The following USH2A variants were observed in gnomAD, a reference collection of about 807,000 sequenced individuals.
USH2A encodes the protein Usher syndrome 2A (autosomal recessive, mild).
USH2A carries 443 observed loss-of-function variants against 538.9 expected under a neutral mutation model. That is an observed-to-expected ratio of 0.82 (90% confidence interval 0.76 to 0.89). The LOEUF (loss-of-function observed/expected upper bound fraction) is 0.89. Ranked by LOEUF, USH2A falls within the 40% of genes least tolerant of loss-of-function variation. USH2A has a pLI of 0.00. For synonymous variants in USH2A, 2,413 were observed against 2,273.5 expected, an observed-to-expected ratio of 1.06 and a Z score of -1.75; for missense variants, 6,633 against 6,324.8, an observed-to-expected ratio of 1.05 and a Z score of -1.65.
At chr1:216,074,597 C>T (rs1204566576) in intron 27 of USH2A, among the ~76,000 whole-genome samples, 1 of 151,992 alleles carries the variant, frequency 6.6e-6, no homozygotes, top group East Asian at 1.9e-4. Flanking sequence ...TTTTTTTAGT[C>T]CTGACTGATC....
intron 3 of USH2A, among the ~76,000 whole-genome samples, chr1:216,383,730 T>C (rs890726165): frequency 6.6e-6 from 1 of 152,162 alleles, no homozygotes; most frequent in Non-Finnish European, 1.5e-5. Context: ...TAGGCTGGAG[T>C]GCAGTGGCAC....
At chr1:216,291,473 A>C (rs887566300) in intron 10 of USH2A, among the ~76,000 whole-genome samples, 1 of 152,150 alleles carries the variant, frequency 6.6e-6, no homozygotes, top group Non-Finnish European at 1.5e-5. Flanking sequence ...TGTCTTATTC[A>C]TCTTCATGTC....
At chr1:215,956,960 A>G (rs1667082702) in intron 37 of USH2A, among the ~76,000 whole-genome samples, 1 of 152,192 alleles carries the variant, frequency 6.6e-6, no homozygotes, top group African/African-American at 2.4e-5. Context: ...TTGAAATGAC[A>G]GATATCTTAT....
intron 47 of USH2A, among the ~76,000 whole-genome samples, chr1:215,830,306 C>T (rs1408507254): frequency 6.6e-6 from 1 of 152,092 alleles, no homozygotes; most frequent in Non-Finnish European, 1.5e-5. Context: ...GGCCCTGCTC[C>T]GAGGATGATC....
At chr1:215,636,970 T>A (rs1212168801) in intron 69 of USH2A, among the ~76,000 whole-genome samples, 5 of 152,020 alleles carry the variant, frequency 3.3e-5, no homozygotes, top group African/African-American at 9.7e-5. Context: ...TATGAAGACC[T>A]CGAGATCAGG....
chr1:215,797,125 A>G lies in USH2A; in HGVS notation c.9958+1782T>C, dbSNP rs183061072. ...TGGATAGAAGATCAAATCAGTCACA[A>G]TAGTCCCTTAGGCCAAAGCCTAGTC... On this transcript the variant is annotated intron_variant, in intron 50 of 71. Transcript: ENST00000307340. Among the ~76,000 whole-genome samples, 355 of 152,282 alleles carry G rather than the reference A, an allele frequency of 2.3e-3. 2 individuals carry two copies. The highest frequency in any genetic ancestry group is 2.6e-3 in the Non-Finnish European group (177 of 68,028).
chr1:216,227,538 G>A (rs2102513255), intron 14 of USH2A, among the ~76,000 whole-genome samples: 1 of 152,268 alleles, frequency 6.6e-6, no homozygotes, highest in Non-Finnish European at 1.5e-5. Context: ...AAAGATCATG[G>A]AATGGAGGAA....
At chr1:215,916,477 T>A (rs929005296) in intron 38 of USH2A, among the ~76,000 whole-genome samples, 6 of 152,272 alleles carry the variant, frequency 3.9e-5, no homozygotes, top group Non-Finnish European at 7.4e-5. Context: ...TATTTAGGTT[T>A]ATTGTTCTGA....
At chr1:215,866,647 C>T (rs1379612837) in intron 44 of USH2A, among the ~76,000 whole-genome samples, 1 of 152,168 alleles carries the variant, frequency 6.6e-6, no homozygotes, top group Non-Finnish European at 1.5e-5. Flanking sequence ...AATACATGGA[C>T]ATGTCTATCA....
rs1558158022 is a variant in USH2A, at chr1:215,912,495, A to ATATATATATG, written c.7301-11591_7301-11590insCATATATATA. On this transcript the variant is annotated intron_variant, in intron 38 of 71. Coordinates refer to ENST00000307340, the MANE Select transcript of USH2A (RefSeq NM_206933.4). ...TATATACGTATATATATATATGTGT[A>ATATATATATG]TATATATATATATATACGTGTATAT... is the stretch of plus-strand genomic sequence containing the variant. Among the ~76,000 whole-genome samples the ATATATATATG allele has an allele frequency of 5.9e-4, 13 of 21,984 alleles. 1 individual carries two copies. The South Asian group carries it at 0.01, about 17-fold the overall frequency. 14.4% of individuals were successfully genotyped at this position (21,984 alleles called of 152,430 possible).
chr1:215,837,182 A>T (rs1174722328), intron 47 of USH2A, among the ~76,000 whole-genome samples: 1 of 152,118 alleles, frequency 6.6e-6, no homozygotes, highest in African/African-American at 2.4e-5. Context: ...AAGATCCAGA[A>T]ATTTCAACAT....
chr1:216,212,555 T>G (rs1380330781), intron 15 of USH2A, among the ~76,000 whole-genome samples: 1 of 152,070 alleles, frequency 6.6e-6, no homozygotes, highest in African/African-American at 2.4e-5. Context: ...TCTCCAGCTT[T>G]GGAACTTTGG....
chr1:215,737,667 G>A (rs536246828), intron 60 of USH2A, among the ~76,000 whole-genome samples: 2 of 151,982 alleles, frequency 1.3e-5, no homozygotes, highest in East Asian at 3.9e-4. Flanking sequence ...GTAGATGTCT[G>A]TCTGTCTGTC....
At chr1:215,870,454 C>T (rs1036512806) in intron 43 of USH2A, among the ~76,000 whole-genome samples, 1 of 140,790 alleles carries the variant, frequency 7.1e-6, no homozygotes, top group South Asian at 2.3e-4. Flanking sequence ...GCCACCACTC[C>T]TAGCTTTTTT....
At chr1:216,121,762 T>C (rs763585943) in intron 21 of USH2A, among the ~76,000 whole-genome samples, 62 of 152,172 alleles carry the variant, frequency 4.1e-4, no homozygotes, top group Non-Finnish European at 8.5e-4. Context: ...CAATGAACAA[T>C]CAGTTAGACT....
At chr1:215,644,622 A>G (rs1464899649) in intron 67 of USH2A, among the ~76,000 whole-genome samples, 32 of 152,328 alleles carry the variant, frequency 2.1e-4, no homozygotes, top group Non-Finnish European at 1.6e-4. Flanking sequence ...CTTTTTAAAA[A>G]AGGATTGAAC....
chr1:216,196,842 C>T (rs1019724688), intron 18 of USH2A, 120 bp from the exon 19 acceptor site: 27 of 1,264,518 alleles, frequency 2.1e-5, no homozygotes, highest in African/African-American at 4.5e-5. Context: ...AAATATTCTG[C>T]TTTGAAAAAG....
chr1:216,295,042 A>G (rs1344186680), intron 9 of USH2A, among the ~76,000 whole-genome samples: 3 of 151,784 alleles, frequency 2.0e-5, no homozygotes, highest in East Asian at 1.9e-4. Flanking sequence ...TAGTTAATTT[A>G]TATGGTATAG....
At chr1:216,347,390 C>T (rs182721832) in intron 4 of USH2A, among the ~76,000 whole-genome samples, 1 of 151,984 alleles carries the variant, frequency 6.6e-6, no homozygotes, top group Admixed American at 6.6e-5. Flanking sequence ...TTGTGATATC[C>T]AGTGTTTTAA....
Sources: gnomAD v4.1 joint callset for allele counts (sites outside exome capture counted in the v4.1 genomes callset) on GRCh38, gnomAD v4.1.1 for gene constraint, MANE v1.5 for transcripts, NCBI Gene and HGNC (gene_info 2026-07-23, HGNC 2026-07-21) for gene names.